EMC2: variants seen among roughly 807,000 people sequenced by gnomAD.
The protein encoded by EMC2 is TPR repeat protein 35.
Under a neutral mutation model 51.6 loss-of-function variants are expected in EMC2, and 37 were observed. The ratio of observed to expected loss-of-function variants is 0.72; its 90% CI spans 0.55 to 0.94. The LOEUF is 0.94. Ranked by LOEUF, EMC2 falls within the 40% of genes least tolerant of loss-of-function variation. EMC2 has a pLI of 0.00. For synonymous variants in EMC2, 131 were observed against 112.4 expected (o/e 1.17, Z -1.04); for missense variants, 359 against 350.9 (o/e 1.02, Z -0.18).
At chr8:108,473,482 C>T (rs990462546) in intron 7 of EMC2, among the ~76,000 whole-genome samples, 1 of 151,974 alleles carries the variant, frequency 6.6e-6, no homozygotes, top group African/African-American at 2.4e-5. Flanking sequence ...TTTCTGGTCC[C>T]AAGCATTTTG....
chr8:108,457,331 CGTGTGTGT>C (rs56319322), intron 5 of EMC2, among the ~76,000 whole-genome samples: 31,686 of 127,870 alleles, frequency 0.25, 3,432 homozygotes, highest in Admixed American at 0.28. Flanking sequence ...CGTGTGTGTG[CGTGTGTGT>C]GTGTGTGTGT....
chr8:108,449,683 C>T lies in EMC2; in HGVS notation c.41-140C>T, dbSNP rs567913984. 5.2e-5 allele frequency: 26 copies of T among 503,308 alleles called. 1 individual carries two copies. The highest frequency in any genetic ancestry group is 8.6e-5 in the Non-Finnish European group (24 of 279,640). 31.2% of individuals were successfully genotyped at this position (503,308 alleles called of 1,614,324 possible). A position where few individuals can be genotyped will look rare whatever the true frequency, so the allele number is the denominator to read the frequency against. On this transcript the variant is annotated intron_variant, in intron 1 of 10. Transcript: ENST00000220853. ...TTTCTACTTTATCAAATTTGAGATACCACAGACTTCTACATGATTGTGAGT... is the reference window on the plus strand; with the variant it reads ...TTTCTACTTTATCAAATTTGAGATATCACAGACTTCTACATGATTGTGAGT...
In EMC2 at chr8:108,487,072, G is replaced by A. The variant is rs1811155843; in HGVS notation, c.*474G>A. Among the ~76,000 whole-genome samples the A allele has an allele frequency of 6.6e-6, 1 of 152,002 alleles. No individual in the cohort carries two copies. The highest frequency in any genetic ancestry group is 2.4e-5 in the African/African-American group (1 of 41,410). On this transcript the variant is annotated 3_prime_UTR_variant, in exon 11 of 11. Transcript: ENST00000220853. Reference sequence around the variant, plus strand: ...TGACTTTGTTTATATTGTCGAATTGGATTTTGCTGTACATTCCAGTGGGCT... The same window carrying A: ...TGACTTTGTTTATATTGTCGAATTGAATTTTGCTGTACATTCCAGTGGGCT...
At chr8:108,457,836 C>G (rs1819207156) in intron 5 of EMC2, among the ~76,000 whole-genome samples, 1 of 152,180 alleles carries the variant, frequency 6.6e-6, no homozygotes, top group African/African-American at 2.4e-5. Flanking sequence ...TCATGCCTTC[C>G]CAACAGTCTC....
chr8:108,477,206 C>A (rs533086433), intron 9 of EMC2, among the ~76,000 whole-genome samples: 1 of 151,958 alleles, frequency 6.6e-6, no homozygotes, highest in African/African-American at 2.4e-5. Context: ...TTATGCCCAA[C>A]ATTATTGTAT....
intron 10 of EMC2, among the ~76,000 whole-genome samples, chr8:108,480,572 G>A (rs1170563264): frequency 6.6e-6 from 1 of 152,136 alleles, no homozygotes; most frequent in Non-Finnish European, 1.5e-5. Context: ...TCAAAGTCTT[G>A]AATTCTGAGG....
intron 5 of EMC2, among the ~76,000 whole-genome samples, chr8:108,461,294 T>C (rs1447167752): frequency 1.3e-5 from 2 of 152,250 alleles, no homozygotes; most frequent in African/African-American, 4.8e-5. Flanking sequence ...TACTTCCTAT[T>C]CACATGCATT....
At chr8:108,477,317 G>A (rs1346176307) in intron 9 of EMC2, among the ~76,000 whole-genome samples, 1 of 151,792 alleles carries the variant, frequency 6.6e-6, no homozygotes, top group Non-Finnish European at 1.5e-5. Context: ...CATTTTTTAT[G>A]GTGTAGAAAA....
intron 5 of EMC2, among the ~76,000 whole-genome samples, chr8:108,460,478 A>G (rs1258584316): frequency 6.6e-6 from 1 of 152,232 alleles, no homozygotes; most frequent in Non-Finnish European, 1.5e-5. Flanking sequence ...TTTTTGAAGA[A>G]TGAAATAATG....
intron 4 of EMC2, among the ~76,000 whole-genome samples, chr8:108,454,833 A>G (rs1210724354): frequency 6.6e-6 from 1 of 152,048 alleles, no homozygotes; most frequent in Non-Finnish European, 1.5e-5. Context: ...TTTAATGGGC[A>G]GTTTCTCAGG....
intron 5 of EMC2, among the ~76,000 whole-genome samples, chr8:108,460,647 G>A (rs1819297582): frequency 6.6e-6 from 1 of 152,208 alleles, no homozygotes; most frequent in African/African-American, 2.4e-5. Context: ...CCAATTTTGT[G>A]TTTAGAGTTG....
Position 108,476,856 on chromosome 8 carries a change from C to A in EMC2, c.666C>A (p.Asn222Lys). The change falls in exon 9 of 11, where the codon AAC becomes AAA. Residue 222 changes from asparagine (N) to lysine (K), a missense_variant. Transcript: ENST00000220853. Reference protein sequence around the residue: ...RKYFAQALKLNNRNMRALFGL... With the variant: ...RKYFAQALKLKNRNMRALFGL... Reference sequence around the variant, plus strand: ...ATTTTGCACAGGCATTGAAACTGAACAACAGAAATATGAGAGCTTTGTTTG... The same window carrying A: ...ATTTTGCACAGGCATTGAAACTGAAAAACAGAAATATGAGAGCTTTGTTTG... The A allele has an allele frequency of 1.3e-6, 2 of 1,599,530 alleles. No individual in the cohort carries two copies. The highest frequency in any genetic ancestry group is 1.7e-6 in the Non-Finnish European group (2 of 1,167,562).
At chr8:108,476,085 C>A in intron 8 of EMC2, 122 bp downstream of exon 8, 1 of 533,394 alleles carries the variant, frequency 1.9e-6, no homozygotes, top group Non-Finnish European at 3.2e-6. Flanking sequence ...ATCTGATGAG[C>A]ATTGAATTGT....
chr8:108,484,071 A>C (rs1243654151), intron 10 of EMC2, among the ~76,000 whole-genome samples: 1 of 152,142 alleles, frequency 6.6e-6, no homozygotes, highest in Non-Finnish European at 1.5e-5. Context: ...TAATTGGTTT[A>C]GCATGTTCAG....
chr8:108,468,190 C>T (rs1810769908), intron 5 of EMC2, among the ~76,000 whole-genome samples: 1 of 152,172 alleles, frequency 6.6e-6, no homozygotes, highest in African/African-American at 2.4e-5. Context: ...ATTTATCCCT[C>T]ATCTATTTGG....
At chr8:108,444,675 C>G (rs1818835291) in intron 1 of EMC2, among the ~76,000 whole-genome samples, 1 of 152,160 alleles carries the variant, frequency 6.6e-6, no homozygotes, top group Non-Finnish European at 1.5e-5. Flanking sequence ...AAATCCGTTA[C>G]AAATAAAGCA....
chr8:108,456,359 A>AAAAAAAAAAAAAC (rs1819158373), intron 5 of EMC2, among the ~76,000 whole-genome samples: 7 of 149,954 alleles, frequency 4.7e-5, no homozygotes, highest in African/African-American at 1.5e-4. Context: ...AAAAAAAAAA[A>AAAAAAAAAAAAAC]AACAACTTCT....
At chr8:108,468,718 T>G (rs1586187452) in intron 5 of EMC2, among the ~76,000 whole-genome samples, 3 of 152,190 alleles carry the variant, frequency 2.0e-5, no homozygotes, top group African/African-American at 7.2e-5. Context: ...AATAAGAAAT[T>G]TTATTCATAA....
At chr8:108,466,323 A>C (rs1586185841) in intron 5 of EMC2, among the ~76,000 whole-genome samples, 1 of 152,166 alleles carries the variant, frequency 6.6e-6, no homozygotes, top group East Asian at 1.9e-4. Flanking sequence ...TAGTCAGTTA[A>C]CGAGACTGTA....
Sources: allele counts gnomAD v4.1 joint callset (sites outside exome capture counted in the v4.1 genomes callset), GRCh38; gene constraint gnomAD v4.1.1; transcripts MANE v1.5; gene names NCBI Gene and HGNC (gene_info 2026-07-23, HGNC 2026-07-21).